CRB1: variants seen among roughly 807,000 people sequenced by gnomAD.
The protein encoded by CRB1 is protein crumbs homolog 1.
Under a neutral mutation model 120.0 loss-of-function variants are expected in CRB1, and 83 were observed. The ratio of observed to expected loss-of-function variants is 0.69; its 90% CI spans 0.58 to 0.83. CRB1 has a LOEUF of 0.83. Among genes scored for constraint, CRB1 ranks in the 40% least tolerant of loss-of-function variants. The pLI is 0.00. For missense variants in CRB1, 1,699 were observed against 1,687.6 expected (o/e 1.01, Z -0.12); for synonymous variants, 625 against 612.5 (o/e 1.02, Z -0.30).
the CRB1 span, among the ~76,000 whole-genome samples, chr1:197,254,735 A>G: frequency 2.0e-5 from 3 of 152,274 alleles, no homozygotes; most frequent in East Asian, 5.8e-4. Context: ...CTTTGAATAA[A>G]GTAAGTTTAT....
chr1:197,451,065 G>A (rs967910377), intron 11 of CRB1, among the ~76,000 whole-genome samples: 1 of 151,532 alleles, frequency 6.6e-6, no homozygotes, highest in Non-Finnish European at 1.5e-5. Flanking sequence ...AACATTAGAA[G>A]TACTCAATAA....
At chr1:197,249,100 A>G in the CRB1 span, among the ~76,000 whole-genome samples, 1 of 151,912 alleles carries the variant, frequency 6.6e-6, no homozygotes, top group Non-Finnish European at 1.5e-5. Context: ...ATTTAATCAT[A>G]TACCTTTTTG....
chr1:197,206,449 G>T, the CRB1 span, among the ~76,000 whole-genome samples: 1 of 152,094 alleles, frequency 6.6e-6, no homozygotes, highest in Non-Finnish European at 1.5e-5. Flanking sequence ...TTGATAGGTT[G>T]TGTCACTGTT....
chr1:197,222,399 G>A, the CRB1 span: 2 of 766,708 alleles, frequency 2.6e-6, no homozygotes, highest in South Asian at 2.7e-5. Context: ...GCCAGGACTT[G>A]CAGTAGGTGA....
At position 197,321,844 on chromosome 1, in the gene CRB1, T is replaced by C. The variant is rs1181251326; in HGVS notation, c.71-6578T>C. On this transcript the variant is annotated intron_variant, in intron 1 of 11. Coordinates refer to ENST00000367400, the MANE Select transcript of CRB1 (RefSeq NM_201253.3). ...ATTAATGGGAAAAGTACACTTTGCA[T>C]TGGACTTCTAACAATTTGAATATAC... Among the ~76,000 whole-genome samples the C allele has an allele frequency of 2.6e-5, 4 of 152,182 alleles. No homozygotes were observed. The East Asian group carries it at 5.8e-4, about 22-fold the overall frequency.
chr1:197,365,796 C>T (rs75661324), intron 5 of CRB1, among the ~76,000 whole-genome samples: 3,208 of 152,054 alleles, frequency 0.021, 97 homozygotes, highest in African/African-American at 0.07. Flanking sequence ...AACACCAGGA[C>T]GGAGGCACCT....
chr1:197,240,036 T>G, the CRB1 span, among the ~76,000 whole-genome samples: 1 of 151,914 alleles, frequency 6.6e-6, no homozygotes, highest in Non-Finnish European at 1.5e-5. Context: ...ATCTCAAATA[T>G]CTCCTCTACA....
the CRB1 span, among the ~76,000 whole-genome samples, chr1:197,244,209 C>G: frequency 6.6e-6 from 1 of 152,136 alleles, no homozygotes; most frequent in African/African-American, 2.4e-5. Context: ...GAATTTGATC[C>G]TGTCATTATG....
chr1:197,456,087 A>C (rs191716245), intron 11 of CRB1, among the ~76,000 whole-genome samples: 2 of 152,260 alleles, frequency 1.3e-5, no homozygotes, highest in East Asian at 3.9e-4. Context: ...TTCCCTTAAC[A>C]TTTCTTTGAT....
At position 197,421,133 on chromosome 1, in the gene CRB1, A is replaced by G. The variant is rs34813822; in HGVS notation, c.1305A>G (p.Gly435=). 2 of 1,614,150 alleles carry G rather than the reference A, an allele frequency of 1.2e-6. No homozygotes were observed. Among genetic ancestry groups the G allele is most frequent in the South Asian group, 2.2e-5 (2 of 91,072 alleles). Residue 435 remains glycine (G), a synonymous_variant, in exon 6 of 12, where the codon GGA becomes GGG. Transcript: ENST00000367400. ...FDNLSRTFYG[G]RDCSDILLGC... is the part of the protein sequence containing the mutation. ...ACCTTTCTAGAACTTTTTATGGAGG[A>G]AGGGACTGTTCTGATATTCTCCTGG... is the stretch of plus-strand genomic sequence containing the variant.
chr1:197,426,232 C>T (rs1245335936), intron 6 of CRB1, among the ~76,000 whole-genome samples: 1 of 151,998 alleles, frequency 6.6e-6, no homozygotes, highest in Non-Finnish European at 1.5e-5. Context: ...CTTTTGACCA[C>T]TTTCACATTA....
intron 2 of CRB1, among the ~76,000 whole-genome samples, chr1:197,343,548 T>G (rs1435530444): frequency 3.3e-5 from 5 of 152,134 alleles, no homozygotes; most frequent in Non-Finnish European, 5.9e-5. Context: ...ATTAATTACA[T>G]TGTCACCAGT....
At chr1:197,331,280 A>G (rs1658842571) in intron 2 of CRB1, among the ~76,000 whole-genome samples, 2 of 152,134 alleles carry the variant, frequency 1.3e-5, no homozygotes, top group African/African-American at 4.8e-5. Flanking sequence ...ATTTCTGGGC[A>G]CCCTTCCCCA....
intron 1 of CRB1, among the ~76,000 whole-genome samples, chr1:197,278,036 T>C (rs1655314099): frequency 6.6e-6 from 1 of 151,930 alleles, no homozygotes; most frequent in Non-Finnish European, 1.5e-5. Context: ...CCACGTACTG[T>C]GTGCAAGTTG....
chr1:197,354,461 C>T (rs914149455), intron 4 of CRB1, among the ~76,000 whole-genome samples: 1 of 152,050 alleles, frequency 6.6e-6, no homozygotes, highest in Non-Finnish European at 1.5e-5. Flanking sequence ...TTCTGATGTT[C>T]GGACGTGTTC....
the CRB1 span, among the ~76,000 whole-genome samples, chr1:197,255,137 G>A: frequency 4.1e-4 from 63 of 152,008 alleles, no homozygotes; most frequent in Non-Finnish European, 6.0e-4. Context: ...AATTCCTTTT[G>A]GGGAGTTATA....
chr1:197,270,570 C>G (rs1258998247), intron 1 of CRB1, among the ~76,000 whole-genome samples: 1 of 152,298 alleles, frequency 6.6e-6, no homozygotes, highest in African/African-American at 2.4e-5. Context: ...AAACATATCT[C>G]TCTCTTCAAT....
At position 197,449,611 on chromosome 1, in the gene CRB1, C is replaced by T. The variant is rs567488560; in HGVS notation, c.4005+7319C>T. On this transcript the variant is annotated intron_variant, in intron 11 of 11. Transcript: ENST00000367400. Reference sequence around the variant, plus strand: ...TCGATCTCCTGACCTCGTGATCCGCCCGCCTCGGCCTCCCAAAGTGCTGGA... The same window carrying T: ...TCGATCTCCTGACCTCGTGATCCGCTCGCCTCGGCCTCCCAAAGTGCTGGA... Among the ~76,000 whole-genome samples, 227 of 152,258 alleles carry T rather than the reference C, an allele frequency of 1.5e-3. 1 individual carries two copies. The highest frequency in any genetic ancestry group is 3.5e-3 in the Admixed American group (54 of 15,292).
At chr1:197,380,513 T>C (rs753590992) in intron 5 of CRB1, among the ~76,000 whole-genome samples, 5 of 152,208 alleles carry the variant, frequency 3.3e-5, no homozygotes, top group Non-Finnish European at 7.3e-5. Context: ...GGAAGGTCAG[T>C]GAATTCGTTC....
Sources: gnomAD v4.1 joint callset for allele counts (sites outside exome capture counted in the v4.1 genomes callset) on GRCh38, gnomAD v4.1.1 for gene constraint, MANE v1.5 for transcripts, NCBI Gene and HGNC (gene_info 2026-07-23, HGNC 2026-07-21) for gene names.